The following CLEC12A variants were observed in gnomAD, a reference collection of about 807,000 sequenced individuals.
CLEC12A encodes the protein C-type lectin domain family 12 member A.
In CLEC12A, 22 loss-of-function variants were observed where a neutral mutation model predicts 26.5. The observed-to-expected ratio is 0.83, with a 90% CI of 0.59 to 1.19. CLEC12A has a LOEUF of 1.19. Among genes scored for constraint, CLEC12A ranks in the 50% most tolerant of loss-of-function variants. The pLI is 0.00. For missense variants in CLEC12A, 353 were observed against 315.6 expected (o/e 1.12, Z -0.90); for synonymous variants, 119 against 101.9 (o/e 1.17, Z -1.01).
At position 9,980,712 on chromosome 12, in the gene CLEC12A, G is replaced by A. The variant is rs774089563; in HGVS notation, c.510G>A (p.Lys170=). The change falls in exon 4 of 6, where the codon AAG becomes AAA. Residue 170 remains lysine (K), a synonymous_variant. Coordinates refer to ENST00000304361, the MANE Select transcript of CLEC12A (RefSeq NM_138337.6). ...CTGCTCAGAATGCCAGCCTGTTGAA[G>A]ATAAACAACAAAAATGCATTGGTAA... ...ACAAQNASLL[K]INNKNALEFI... 8.1e-6 allele frequency: 13 copies of A among 1,613,412 alleles called. No homozygotes were observed. The Admixed American group carries it at 1.3e-4, about 17-fold the overall frequency.
intron 1 of CLEC12A, among the ~76,000 whole-genome samples, chr12:9,977,991 A>T (rs1195324799): frequency 6.6e-6 from 1 of 152,162 alleles, no homozygotes; most frequent in Non-Finnish European, 1.5e-5. Context: ...CTTAGATAAA[A>T]TCTTGAACAT....
In CLEC12A at chr12:9,982,119, T is replaced by A; in HGVS notation, c.631T>A (p.Ser211Thr). 1 of 1,546,948 alleles carries A rather than the reference T, an allele frequency of 6.5e-7. No individual in the cohort carries two copies. The highest frequency in any genetic ancestry group is 8.9e-7 in the Non-Finnish European group (1 of 1,120,016). ...RGMRVDNIIN[S>T]SAWVIRNAPD... ...TATGAGAGTGGATAATATAATCAAC[T>A]CCTCTGCCTGGTAAGTGTCTATTCT... is the stretch of plus-strand genomic sequence containing the variant. Residue 211 changes from serine to threonine, a missense_variant, in exon 5 of 6, where the codon TCC becomes ACC. By Grantham distance (58) the Ser-to-Thr change is moderately conservative. Coordinates refer to ENST00000304361, the MANE Select transcript of CLEC12A (RefSeq NM_138337.6).
intron 2 of CLEC12A, 130 bp downstream of exon 2, chr12:9,979,194 T>C: frequency 1.0e-6 from 1 of 968,312 alleles, no homozygotes. Flanking sequence ...GGACTTACAA[T>C]GTGGAACTTA....
chr12:9,952,557 T>C (rs1281558147), intron 1 of CLEC12A: 11 of 163,208 alleles, frequency 6.7e-5, no homozygotes, highest in East Asian at 2.2e-4. Context: ...TGCCTTGGCC[T>C]CCCAAAGTGC....
At chr12:9,963,761 A>T (rs1167590320) in intron 1 of CLEC12A, among the ~76,000 whole-genome samples, 2 of 152,160 alleles carry the variant, frequency 1.3e-5, no homozygotes, top group African/African-American at 4.8e-5. Context: ...AAAACTGGAG[A>T]AGCAAAGTAA....
intron 4 of CLEC12A, chr12:9,993,425 CATT>C: frequency 6.8e-6 from 5 of 733,230 alleles, no homozygotes; most frequent in East Asian, 2.7e-5. Context: ...AAACGATTCT[CATT>C]GTTGAGAAAG....
Position 9,971,485 on chromosome 12 carries a change from C to G in CLEC12A, c.-112C>G. On this transcript the variant is annotated 5_prime_UTR_variant, in exon 1 of 6. Coordinates refer to ENST00000304361, the MANE Select transcript of CLEC12A (RefSeq NM_138337.6). ...GTTTAAACTTGTAAGCTTAAGCTTC[C>G]GTTTATAAACAGAAGTTTAAAATTA... 3 of 1,433,550 alleles carry G rather than the reference C, an allele frequency of 2.1e-6. No homozygotes were observed. The highest frequency in any genetic ancestry group is 2.7e-6 in the Non-Finnish European group (3 of 1,095,074). 88.8% of individuals were successfully genotyped at this position (1,433,550 alleles called of 1,614,324 possible).
the CLEC12A span, among the ~76,000 whole-genome samples, chr12:10,005,727 A>T: frequency 6.6e-6 from 1 of 152,218 alleles, no homozygotes; most frequent in African/African-American, 2.4e-5. Flanking sequence ...ATATATTAAT[A>T]CATTTCAAAA....
the CLEC12A span, among the ~76,000 whole-genome samples, chr12:10,005,412 A>G: frequency 1.2e-4 from 19 of 152,178 alleles, no homozygotes; most frequent in Non-Finnish European, 2.1e-4. Flanking sequence ...CAGTGCTTGG[A>G]CAATTGCCCA....
At chr12:9,998,977 G>T (rs563515226), downstream of CLEC12A, 25 of 974,928 alleles carry the variant, frequency 2.6e-5, no homozygotes, top group African/African-American at 2.4e-4. Flanking sequence ...GAAAAAGAAA[G>T]AATTGAATCA....
At chr12:9,994,924 A>C in intron 4 of CLEC12A, 1 of 1,243,462 alleles carries the variant, frequency 8.0e-7, no homozygotes. Flanking sequence ...ATAATATCAG[A>C]GATAAAGGTG....
intron 1 of CLEC12A, among the ~76,000 whole-genome samples, chr12:9,962,468 CAG>C (rs1863849956): frequency 6.6e-6 from 1 of 152,128 alleles, no homozygotes; most frequent in African/African-American, 2.4e-5. Context: ...GACCACCAAA[CAG>C]GCTTTGTGTG....
chr12:10,002,403 T>C, the CLEC12A span, among the ~76,000 whole-genome samples: 5 of 75,028 alleles, frequency 6.7e-5, no homozygotes, highest in Non-Finnish European at 3.1e-5. Flanking sequence ...ATTTTAGCTA[T>C]GTGAACTTCT....
At chr12:9,958,389 T>C (rs1240397465) in intron 1 of CLEC12A, among the ~76,000 whole-genome samples, 1 of 152,156 alleles carries the variant, frequency 6.6e-6, no homozygotes, top group Non-Finnish European at 1.5e-5. Flanking sequence ...CTATTTACTC[T>C]GAGAAGGAGA....
downstream of CLEC12A, among the ~76,000 whole-genome samples, chr12:10,000,571 C>T (rs998726175): frequency 6.6e-6 from 1 of 152,004 alleles, no homozygotes; most frequent in Admixed American, 6.5e-5. Context: ...ACATTAAATC[C>T]CAACACCATT....
chr12:9,992,742 C>A (rs613871), intron 4 of CLEC12A: 1 of 157,042 alleles, frequency 6.4e-6, no homozygotes, highest in Non-Finnish European at 1.4e-5. Flanking sequence ...TATCTTACAC[C>A]GCCTTTCAAA....
intron 1 of CLEC12A, among the ~76,000 whole-genome samples, chr12:9,962,942 C>T (rs548964229): frequency 7.2e-5 from 11 of 151,962 alleles, no homozygotes; most frequent in East Asian, 3.9e-4. Flanking sequence ...AGATAACGGG[C>T]GATATTTCTC....
intron 1 of CLEC12A, among the ~76,000 whole-genome samples, chr12:9,965,822 A>G (rs897927089): frequency 6.6e-6 from 1 of 152,092 alleles, no homozygotes; most frequent in Non-Finnish European, 1.5e-5. Flanking sequence ...GGATATTGGC[A>G]TTGAGCGGGG....
At chr12:9,983,482 G>C (rs1345288617) in intron 5 of CLEC12A, 15 of 692,468 alleles carry the variant, frequency 2.2e-5, no homozygotes, top group Non-Finnish European at 3.9e-5. Context: ...TATAAAAATA[G>C]TGGCAAATTC....
Sources: allele counts gnomAD v4.1 joint callset (sites outside exome capture counted in the v4.1 genomes callset), GRCh38; gene constraint gnomAD v4.1.1; transcripts MANE v1.5; gene names NCBI Gene and HGNC (gene_info 2026-07-23, HGNC 2026-07-21).